Variants in LIPC observed in about 807,000 individuals in gnomAD.
LIPC encodes hepatic triacylglycerol lipase.
A neutral mutation model predicts 50.7 loss-of-function variants in LIPC; 44 were observed. The ratio of observed to expected loss-of-function variants is 0.87; its 90% CI spans 0.68 to 1.11. The LOEUF (loss-of-function observed/expected upper bound fraction) is 1.11, where lower values mean the gene tolerates loss of function less well. Among genes scored for constraint, LIPC ranks in the 50% most tolerant of loss-of-function variants. LIPC has a pLI of 0.00. For synonymous variants in LIPC, 271 were observed against 256.4 expected (o/e 1.06, Z -0.54); for missense variants, 697 against 648.2 (o/e 1.08, Z -0.82).
Position 58,549,427 on chromosome 15 carries a change from T to C in LIPC, c.1051+855T>C, listed in dbSNP as rs562187638. ...ACAGGCCGTCACCACCACTTTGCTT[T>C]TAGGGAGCATTTTACACAAAACATT... On this transcript the variant is annotated intron_variant, in intron 6 of 8. Coordinates refer to ENST00000299022, the MANE Select transcript of LIPC (RefSeq NM_000236.3). 3.9e-5 allele frequency among the ~76,000 whole-genome samples: 6 copies of C among 152,334 alleles called. No homozygotes were observed. The East Asian group carries it at 1.2e-3, about 29-fold the overall frequency.
At chr15:58,526,988 C>A (rs972346244) in intron 1 of LIPC, among the ~76,000 whole-genome samples, 15 of 152,200 alleles carry the variant, frequency 9.9e-5, no homozygotes, top group African/African-American at 1.9e-4. Flanking sequence ...ACTCCACTAC[C>A]CTGCCTCTGC....
intron 1 of LIPC, among the ~76,000 whole-genome samples, chr15:58,441,886 T>A (rs976101198): frequency 1.4e-4 from 22 of 152,186 alleles, no homozygotes; most frequent in Non-Finnish European, 2.5e-4. Flanking sequence ...TGGAGTGGCC[T>A]CCTCCCTGTC....
chr15:58,490,410 G>A (rs1166351446), intron 1 of LIPC, among the ~76,000 whole-genome samples: 3 of 152,156 alleles, frequency 2.0e-5, no homozygotes, highest in Non-Finnish European at 2.9e-5. Flanking sequence ...TTCTTACAGG[G>A]CTCTTGAATG....
At chr15:58,467,507 A>G (rs1894612944) in intron 1 of LIPC, among the ~76,000 whole-genome samples, 1 of 152,128 alleles carries the variant, frequency 6.6e-6, no homozygotes, top group Admixed American at 6.6e-5. Context: ...ACCGGGTTTA[A>G]TGAGTCAGCT....
At chr15:58,459,329 G>A (rs1159632414) in intron 1 of LIPC, among the ~76,000 whole-genome samples, 2 of 151,994 alleles carry the variant, frequency 1.3e-5, no homozygotes. Context: ...GCAAACATTT[G>A]CTGGTGACAT....
At chr15:58,499,906 T>C (rs57783456) in intron 1 of LIPC, among the ~76,000 whole-genome samples, 62,245 of 152,034 alleles carry the variant, frequency 0.41, 12,995 homozygotes, top group East Asian at 0.55. Context: ...TGCCAGTGGA[T>C]GTCAGGATCA....
chr15:58,520,781 A>G (rs953037655), intron 1 of LIPC, among the ~76,000 whole-genome samples: 3 of 152,202 alleles, frequency 2.0e-5, no homozygotes, highest in Non-Finnish European at 4.4e-5. Context: ...GACACTTCCC[A>G]TATTTATTTG....
chr15:58,564,920 A>G (rs764925264), intron 8 of LIPC, among the ~76,000 whole-genome samples: 20 of 152,004 alleles, frequency 1.3e-4, no homozygotes, highest in Non-Finnish European at 2.5e-4. Context: ...CTATTCAGGA[A>G]ACGGTCTCTC....
intron 4 of LIPC, among the ~76,000 whole-genome samples, chr15:58,543,210 C>T (rs1393171824): frequency 6.6e-6 from 1 of 152,158 alleles, no homozygotes; most frequent in Admixed American, 6.5e-5. Flanking sequence ...TCCTCCCAGG[C>T]TTCCGTGACA....
intron 1 of LIPC, chr15:58,494,922 G>T (rs1437664426): frequency 8.8e-6 from 4 of 454,896 alleles, no homozygotes. Context: ...TATTAGTCCA[G>T]TCCCTCACTG....
chr15:58,551,433 G>A (rs1239975099), intron 6 of LIPC, among the ~76,000 whole-genome samples: 2 of 152,280 alleles, frequency 1.3e-5, no homozygotes, highest in East Asian at 3.9e-4. Flanking sequence ...TAAATTAAAT[G>A]GAACCAAAAA....
intron 1 of LIPC, among the ~76,000 whole-genome samples, chr15:58,481,118 A>T (rs1346638078): frequency 6.6e-6 from 1 of 152,098 alleles, no homozygotes; most frequent in African/African-American, 2.4e-5. Flanking sequence ...TGGGCCAAAG[A>T]CACTGGTACA....
At chr15:58,564,941 T>G (rs1894306768) in intron 8 of LIPC, among the ~76,000 whole-genome samples, 1 of 152,146 alleles carries the variant, frequency 6.6e-6, no homozygotes, top group African/African-American at 2.4e-5. Flanking sequence ...CTCTCCCACC[T>G]TCACTTGTCG....
chr15:58,553,255 A>G (rs1893824140), intron 6 of LIPC, among the ~76,000 whole-genome samples: 1 of 151,070 alleles, frequency 6.6e-6, no homozygotes, highest in African/African-American at 2.4e-5. Context: ...GCACACACAC[A>G]CTCCCCCATC....
Position 58,468,344 on chromosome 15 carries a change from G to T in LIPC, c.88+36224G>T, listed in dbSNP as rs1468399884. Among the ~76,000 whole-genome samples, 7 of 152,264 alleles carry T rather than the reference G, an allele frequency of 4.6e-5. No individual in the cohort carries two copies. In the East Asian group the frequency reaches 1.4e-3, roughly 29 times the overall value. On this transcript the variant is annotated intron_variant, in intron 1 of 8. Coordinates refer to ENST00000299022, the MANE Select transcript of LIPC (RefSeq NM_000236.3). ...CCAAAGTGTTGTCCCCAAACCAGCA[G>T]CATCAGCATCACCTGGGAACTTGTT...
At chr15:58,494,870 C>A (rs1221199573) in intron 1 of LIPC, 2 of 456,098 alleles carry the variant, frequency 4.4e-6, no homozygotes, top group Non-Finnish European at 8.8e-6. Context: ...ATTTCCTTAG[C>A]AACCCTGGTT....
At chr15:58,490,802 G>A (rs1350333673) in intron 1 of LIPC, among the ~76,000 whole-genome samples, 3 of 152,150 alleles carry the variant, frequency 2.0e-5, no homozygotes, top group East Asian at 1.9e-4. Context: ...GGTCGCTTCC[G>A]GCTCTGATGA....
intron 1 of LIPC, among the ~76,000 whole-genome samples, chr15:58,512,458 C>T (rs1282694559): frequency 3.3e-5 from 5 of 152,108 alleles, no homozygotes; most frequent in Admixed American, 6.6e-5. Context: ...AGAAAGTCCA[C>T]GCAAATCAGT....
intron 1 of LIPC, among the ~76,000 whole-genome samples, chr15:58,492,062 A>G (rs73422655): frequency 0.013 from 1,978 of 152,246 alleles, 42 homozygotes; most frequent in African/African-American, 0.046. Flanking sequence ...AGCCCCAGAG[A>G]GGGACTGTCC....
Sources: gnomAD v4.1 joint callset for allele counts (sites outside exome capture counted in the v4.1 genomes callset) on GRCh38, gnomAD v4.1.1 for gene constraint, MANE v1.5 for transcripts, NCBI Gene and HGNC (gene_info 2026-07-23, HGNC 2026-07-21) for gene names.